The following RBM47 variants were observed in gnomAD, a reference collection of about 807,000 sequenced individuals.
The protein encoded by RBM47 is RNA binding motif protein 47.
RBM47 carries 21 observed loss-of-function variants against 47.1 expected under a neutral mutation model. The ratio of observed to expected loss-of-function variants is 0.45; its 90% CI spans 0.32 to 0.64. The LOEUF is 0.64. Ranked by LOEUF, RBM47 falls within the 30% of genes least tolerant of loss-of-function variation. The probability of loss-of-function intolerance (pLI) is 0.05; values close to 1 mark genes in which losing one functional copy is unlikely to be tolerated. For synonymous variants in RBM47, 375 were observed against 361.7 expected, an observed-to-expected ratio of 1.04 and a Z score of -0.42; for missense variants, 708 against 870.9, an observed-to-expected ratio of 0.81 and a Z score of 2.35.
chr4:40,496,351 CACACACACACACA>C (rs1722577548), intron 2 of RBM47, among the ~76,000 whole-genome samples: 1 of 151,784 alleles, frequency 6.6e-6, no homozygotes, highest in Admixed American at 6.6e-5. Context: ...CACACACACA[CACACACACACACA>C]AAGAGAGAAA....
At chr4:40,553,482 A>G (rs6818804) in intron 1 of RBM47, among the ~76,000 whole-genome samples, 67,472 of 151,728 alleles carry the variant, frequency 0.44, 18,557 homozygotes, top group African/African-American at 0.78. Context: ...ATTTTTAGTA[A>G]AGATGGCATT....
At chr4:40,578,404 G>A (rs1340207995) in intron 1 of RBM47, among the ~76,000 whole-genome samples, 2 of 152,168 alleles carry the variant, frequency 1.3e-5, no homozygotes, top group Non-Finnish European at 2.9e-5. Context: ...AGTGTTGCCC[G>A]ATTCTAGAAA....
intron 2 of RBM47, among the ~76,000 whole-genome samples, chr4:40,485,690 CATGATTCTGGATAATTACTCAA>C (rs543528183): frequency 4.6e-5 from 7 of 152,146 alleles, no homozygotes; most frequent in African/African-American, 1.7e-4. Context: ...TAGTGTCAGT[CATGATTCTGGATAATTACTCAA>C]ATAGACAATT....
At chr4:40,593,285 G>A (rs906499133) in intron 1 of RBM47, among the ~76,000 whole-genome samples, 8 of 150,606 alleles carry the variant, frequency 5.3e-5, no homozygotes, top group African/African-American at 9.7e-5. Context: ...GGCGTGAGCC[G>A]GGACATACAT....
chr4:40,453,615 T>C (rs1560377893), intron 3 of RBM47, among the ~76,000 whole-genome samples: 1 of 152,236 alleles, frequency 6.6e-6, no homozygotes, highest in Non-Finnish European at 1.5e-5. Context: ...GAGTGAGACC[T>C]TCTGCTGACT....
At chr4:40,594,440 C>G (rs973401737) in intron 1 of RBM47, among the ~76,000 whole-genome samples, 1 of 152,176 alleles carries the variant, frequency 6.6e-6, no homozygotes, top group African/African-American at 2.4e-5. Context: ...GACGACACAG[C>G]TTGGTCTCGA....
chr4:40,438,444 GT>G lies in RBM47; in HGVS notation c.449del (p.Asn150ThrfsTer12). On this transcript the variant is annotated frameshift_variant, in exon 4 of 7. Coordinates refer to ENST00000295971, the MANE Select transcript of RBM47 (RefSeq NM_001098634.2). LOFTEE classifies it high-confidence loss of function. ...RLLGVCCSVD[N>X]CRLFIGGIPK... is the part of the protein sequence containing the mutation. ...GGATCCCGCCGATGAAGAGGCGGCA[GT>G]TGTCCACGCTGCAGCACACGCCGAG... 1.2e-6 allele frequency: 2 copies of G among 1,613,650 alleles called. No individual in the cohort carries two copies. The highest frequency in any genetic ancestry group is 1.7e-6 in the Non-Finnish European group (2 of 1,179,982).
chr4:40,501,479 A>T (rs1560424395), intron 2 of RBM47, among the ~76,000 whole-genome samples: 1 of 152,230 alleles, frequency 6.6e-6, no homozygotes, highest in African/African-American at 2.4e-5. Flanking sequence ...TTCTGTAATG[A>T]TGGAAACACT....
chr4:40,570,098 C>G (rs769928055), intron 1 of RBM47, among the ~76,000 whole-genome samples: 1 of 151,938 alleles, frequency 6.6e-6, no homozygotes, highest in Non-Finnish European at 1.5e-5. Flanking sequence ...TCTAAAGCAG[C>G]GGTCCCCAAC....
intron 1 of RBM47, among the ~76,000 whole-genome samples, chr4:40,545,675 A>AAATAAATAAATAAAT: frequency 6.7e-6 from 1 of 148,644 alleles, no homozygotes; most frequent in East Asian, 2.0e-4. Context: ...AAAAATAAAT[A>AAATAAATAAATAAAT]AATAAATAAA....
chr4:40,514,007 C>T (rs1725271029), intron 2 of RBM47, among the ~76,000 whole-genome samples: 1 of 152,124 alleles, frequency 6.6e-6, no homozygotes, highest in South Asian at 2.1e-4. Flanking sequence ...GTGTGAGCCA[C>T]CGCACCCAGC....
intron 5 of RBM47, among the ~76,000 whole-genome samples, chr4:40,434,005 GTGTGT>G (rs1560352500): frequency 0.02 from 1,315 of 65,866 alleles, 208 homozygotes; most frequent in African/African-American, 0.071. Flanking sequence ...GGGCGGGGGT[GTGTGT>G]GTGTGTGTGT....
At chr4:40,428,846 T>C (rs1404723158) in intron 6 of RBM47, among the ~76,000 whole-genome samples, 1 of 152,208 alleles carries the variant, frequency 6.6e-6, no homozygotes, top group Non-Finnish European at 1.5e-5. Flanking sequence ...ATCCCAATTC[T>C]ACTCCCGGCC....
At chr4:40,507,626 A>C (rs1292399891) in intron 2 of RBM47, among the ~76,000 whole-genome samples, 1 of 152,128 alleles carries the variant, frequency 6.6e-6, no homozygotes, top group Admixed American at 6.5e-5. Flanking sequence ...GTCTCTACTA[A>C]AAATACAAAA....
Position 40,424,453 on chromosome 4 carries a change from A to G in RBM47, c.*1451T>C, listed in dbSNP as rs1311613849. On this transcript the variant is annotated 3_prime_UTR_variant, in exon 7 of 7. Coordinates refer to ENST00000295971, the MANE Select transcript of RBM47 (RefSeq NM_001098634.2). ...ACTGCAACAATACATTAACTTCCTAATAAAACAAACCTTTTTAATAACATT... is the reference window on the plus strand; with the variant it reads ...ACTGCAACAATACATTAACTTCCTAGTAAAACAAACCTTTTTAATAACATT... 1 of 152,658 alleles carries G rather than the reference A, an allele frequency of 6.6e-6. No individual in the cohort carries two copies. The highest frequency in any genetic ancestry group is 1.5e-5 in the Non-Finnish European group (1 of 68,042). The allele number at this position is 152,658 out of a possible 1,614,324, so 9.5% of individuals were successfully genotyped here.
At chr4:40,444,201 AAAC>A (rs886829385) in intron 3 of RBM47, among the ~76,000 whole-genome samples, 8 of 152,340 alleles carry the variant, frequency 5.3e-5, no homozygotes, top group South Asian at 2.1e-4. Flanking sequence ...CCTGTCTCAA[AAAC>A]AACAACAACA....
intron 1 of RBM47, among the ~76,000 whole-genome samples, chr4:40,582,227 C>T (rs1041474995): frequency 3.3e-5 from 5 of 152,282 alleles, no homozygotes; most frequent in Non-Finnish European, 7.4e-5. Flanking sequence ...TGTTGCCAAA[C>T]TAATCTTTCC....
At chr4:40,437,452 C>A (rs1390411422) in intron 4 of RBM47, among the ~76,000 whole-genome samples, 2 of 152,006 alleles carry the variant, frequency 1.3e-5, no homozygotes, top group Non-Finnish European at 2.9e-5. Context: ...ATATCACAAG[C>A]AGGTTTTAAC....
At chr4:40,484,623 T>C (rs777528064) in intron 2 of RBM47, among the ~76,000 whole-genome samples, 1 of 152,230 alleles carries the variant, frequency 6.6e-6, no homozygotes, top group Non-Finnish European at 1.5e-5. Context: ...GGTTAACTTA[T>C]GATGACAAAT....
Sources: allele counts gnomAD v4.1 joint callset (sites outside exome capture counted in the v4.1 genomes callset), GRCh38; gene constraint gnomAD v4.1.1; transcripts MANE v1.5; gene names NCBI Gene and HGNC (gene_info 2026-07-23, HGNC 2026-07-21).